The following CAMTA1 variants were observed in gnomAD, a reference collection of about 807,000 sequenced individuals.
CAMTA1 encodes calmodulin-binding transcription activator 1.
Under a neutral mutation model 170.9 loss-of-function variants are expected in CAMTA1, and 27 were observed. That is an observed-to-expected ratio of 0.16 (90% CI 0.12 to 0.22). The LOEUF (loss-of-function observed/expected upper bound fraction) is 0.22, where lower values mean the gene tolerates loss of function less well. Among genes scored for constraint, CAMTA1 ranks in the 10% least tolerant of loss-of-function variants. The pLI is 1.00. For missense variants in CAMTA1, 1,619 were observed against 2,217.2 expected, an observed-to-expected ratio of 0.73 and a Z score of 5.42; for synonymous variants, 833 against 891.5, an observed-to-expected ratio of 0.93 and a Z score of 1.17.
intron 1 of CAMTA1, among the ~76,000 whole-genome samples, chr1:6,790,407 T>TGTGTGTGC (rs1640757843): frequency 1.3e-5 from 2 of 151,340 alleles, no homozygotes; most frequent in South Asian, 4.2e-4. Flanking sequence ...TGTGTGTGTG[T>TGTGTGTGC]GTAGACAAAA....
intron 11 of CAMTA1, among the ~76,000 whole-genome samples, chr1:7,689,501 C>T (rs2096287456): frequency 6.6e-6 from 1 of 152,038 alleles, no homozygotes; most frequent in Admixed American, 6.5e-5. Flanking sequence ...ATCGCTTGAG[C>T]CCTGGAGGTT....
intron 6 of CAMTA1, among the ~76,000 whole-genome samples, chr1:7,530,698 G>A (rs544501540): frequency 1.9e-4 from 29 of 151,730 alleles, no homozygotes; most frequent in African/African-American, 6.8e-4. Context: ...CTCATCACAT[G>A]TGCATTATTA....
At chr1:7,701,250 G>A (rs536282251) in intron 11 of CAMTA1, among the ~76,000 whole-genome samples, 85 of 152,280 alleles carry the variant, frequency 5.6e-4, no homozygotes, top group Non-Finnish European at 1.0e-3. Flanking sequence ...CCTGCTTGCA[G>A]GAGACTTAGC....
At chr1:7,627,254 T>C (rs2095639785) in intron 6 of CAMTA1, among the ~76,000 whole-genome samples, 1 of 152,240 alleles carries the variant, frequency 6.6e-6, no homozygotes, top group South Asian at 2.1e-4. Flanking sequence ...GAGATCATGA[T>C]GCTTCCTCGA....
chr1:7,305,602 A>T (rs1675464148), intron 5 of CAMTA1, among the ~76,000 whole-genome samples: 1 of 152,080 alleles, frequency 6.6e-6, no homozygotes, highest in South Asian at 2.1e-4. Context: ...ATTGCCGAGT[A>T]ATACTCCATT....
At chr1:7,023,143 A>G (rs968547096) in intron 3 of CAMTA1, among the ~76,000 whole-genome samples, 16 of 152,354 alleles carry the variant, frequency 1.1e-4, no homozygotes, top group African/African-American at 3.4e-4. Context: ...AGCTTCTAAG[A>G]GTTTCCTTCA....
At chr1:6,900,093 C>G (rs898966468) in intron 3 of CAMTA1, among the ~76,000 whole-genome samples, 2 of 152,200 alleles carry the variant, frequency 1.3e-5, no homozygotes, top group Non-Finnish European at 2.9e-5. Flanking sequence ...GTTTACCAGG[C>G]TGAAAGAGAT....
chr1:7,736,069 G>A lies in CAMTA1; in HGVS notation c.3067-275G>A, dbSNP rs879866329. Among the ~76,000 whole-genome samples the A allele has an allele frequency of 2.0e-5, 3 of 151,614 alleles. No individual in the cohort carries two copies. Among genetic ancestry groups the A allele is most frequent in the Admixed American group, 6.6e-5 (1 of 15,206 alleles). ...GGATTTCAGGCATGAGCCACTGTGCGCAGCCTAAATTTTGTACTTTTTGTA... is the reference window on the plus strand; with the variant it reads ...GGATTTCAGGCATGAGCCACTGTGCACAGCCTAAATTTTGTACTTTTTGTA... On this transcript the variant is annotated intron_variant, in intron 12 of 22. Transcript: ENST00000303635. The surrounding 1 kb of genome is among the most constrained non-coding windows in gnomAD (Gnocchi z 4.5).
At chr1:7,281,801 G>T (rs1197046718) in intron 5 of CAMTA1, among the ~76,000 whole-genome samples, 1 of 35,112 alleles carries the variant, frequency 2.8e-5, no homozygotes, top group South Asian at 6.4e-4. Context: ...GAAAGAAATT[G>T]TGTGTGTGTG....
intron 3 of CAMTA1, among the ~76,000 whole-genome samples, chr1:6,995,784 G>A (rs982002240): frequency 3.3e-5 from 5 of 151,872 alleles, no homozygotes; most frequent in Non-Finnish European, 7.3e-5. Context: ...GGTCAGAGGT[G>A]GAGGGAGCAA....
rs374523847 is a variant in CAMTA1, at chr1:7,633,847, C to T, written c.511-6553C>T. On this transcript the variant is annotated intron_variant, in intron 6 of 22. Coordinates refer to ENST00000303635, the MANE Select transcript of CAMTA1 (RefSeq NM_015215.4). This position sits in a 1 kb window ranked among gnomAD's most constrained non-coding sequence, Gnocchi z 4.1. ...TGCTGCAAAGACAGCGAGGCGGGAACCAGGCAAGGTGGGCACTGTTGTCAA... is the reference window on the plus strand; with the variant it reads ...TGCTGCAAAGACAGCGAGGCGGGAATCAGGCAAGGTGGGCACTGTTGTCAA... Among the ~76,000 whole-genome samples the T allele has an allele frequency of 7.9e-5, 12 of 152,328 alleles. No homozygotes were observed. The highest frequency in any genetic ancestry group is 2.4e-4 in the African/African-American group (10 of 41,566).
At chr1:7,467,654 G>A (rs1242405625) in intron 5 of CAMTA1, among the ~76,000 whole-genome samples, 176 bp from the exon 6 acceptor site, 1 of 152,156 alleles carries the variant, frequency 6.6e-6, no homozygotes, top group Non-Finnish European at 1.5e-5. Context: ...GGCTTCGTAG[G>A]TGCTGTCCCA....
At chr1:7,461,262 C>A (rs1347294720) in intron 5 of CAMTA1, among the ~76,000 whole-genome samples, 2 of 152,184 alleles carry the variant, frequency 1.3e-5, no homozygotes, top group African/African-American at 2.4e-5. Context: ...CTCCCCAAGT[C>A]CTCATCCCTT....
At chr1:7,571,531 T>C (rs141019445) in intron 6 of CAMTA1, among the ~76,000 whole-genome samples, 45 of 152,326 alleles carry the variant, frequency 3.0e-4, no homozygotes, top group African/African-American at 1.1e-3. Context: ...TGTTCCCCTC[T>C]TTGTGCCCAT....
chr1:7,560,916 A>G (rs971246036), intron 6 of CAMTA1, among the ~76,000 whole-genome samples: 2 of 152,088 alleles, frequency 1.3e-5, no homozygotes, highest in Non-Finnish European at 2.9e-5. Context: ...TATGGGCCTC[A>G]CTAGAGCCCA....
At chr1:7,037,797 C>G (rs1056741310) in intron 3 of CAMTA1, among the ~76,000 whole-genome samples, 1 of 150,444 alleles carries the variant, frequency 6.6e-6, no homozygotes, top group African/African-American at 2.5e-5. Flanking sequence ...AAGATCGCAC[C>G]ACTGCACTCC....
rs192498780 is a variant in CAMTA1, at chr1:7,471,709, G to T, written c.510+3808G>T. ...GCCTGATGTGGGTGTCACTGCAGCC[G>T]CAGGACCCTGAGCCTCGTGAGGTAG... is the stretch of plus-strand genomic sequence containing the variant. On this transcript the variant is annotated intron_variant, in intron 6 of 22. Transcript: ENST00000303635. 2.0e-3 allele frequency among the ~76,000 whole-genome samples: 308 copies of T among 152,376 alleles called. 1 individual carries two copies. Among genetic ancestry groups the T allele is most frequent in the African/African-American group, 7.1e-3 (296 of 41,588 alleles).
intron 1 of CAMTA1, among the ~76,000 whole-genome samples, chr1:6,819,427 C>T (rs1177520506): frequency 6.6e-6 from 1 of 152,062 alleles, no homozygotes; most frequent in Non-Finnish European, 1.5e-5. Flanking sequence ...CCTTGATTTA[C>T]TTGCCATGCC....
At chr1:6,875,260 G>A (rs894384113) in intron 3 of CAMTA1, among the ~76,000 whole-genome samples, 1 of 152,076 alleles carries the variant, frequency 6.6e-6, no homozygotes, top group South Asian at 2.1e-4. Context: ...GACCTCAGCT[G>A]TACGCATTAT....
Sources: allele counts gnomAD v4.1 joint callset (sites outside exome capture counted in the v4.1 genomes callset), GRCh38; gene constraint gnomAD v4.1.1; non-coding constraint Gnocchi (gnomAD v3.1); transcripts MANE v1.5; gene names NCBI Gene and HGNC (gene_info 2026-07-23, HGNC 2026-07-21).